The following MMGT1 variants were observed in gnomAD, a reference collection of about 807,000 sequenced individuals.
MMGT1 encodes the protein membrane magnesium transporter 1, also known as ER membrane protein complex subunit 5.
In MMGT1, 2 loss-of-function variants were observed where a neutral mutation model predicts 11.7. The observed-to-expected ratio is 0.17, with a 90% CI of 0.07 to 0.54. The LOEUF (loss-of-function observed/expected upper bound fraction) is 0.54, where lower values mean the gene tolerates loss of function less well. MMGT1 is among the 20% of genes least tolerant of loss of function. The probability of loss-of-function intolerance (pLI) is 0.94; values close to 1 mark genes in which losing one functional copy is unlikely to be tolerated. For missense variants in MMGT1, 74 were observed against 109.0 expected, an observed-to-expected ratio of 0.68 and a Z score of 1.43; for synonymous variants, 49 against 44.4, an observed-to-expected ratio of 1.10 and a Z score of -0.41.
rs782063283 is a variant in MMGT1, at chrX:135,967,381, A to C, written c.236+9T>G. 1 of 1,064,285 alleles carries C rather than the reference A, an allele frequency of 9.4e-7. No homozygotes were observed. Among genetic ancestry groups the C allele is most frequent in the Admixed American group, 2.4e-5 (1 of 41,936 alleles). 87.7% of individuals were successfully genotyped at this position (1,064,285 alleles called of 1,213,427 possible). ...GAAATGCAATGCCTATGAAAAGAGA[A>C]AGACTTACTTATTTTTCAGTTCTGA... is the stretch of plus-strand genomic sequence containing the variant. On this transcript the variant is annotated intron_variant, in intron 3 of 3. Transcript: ENST00000305963.
Position 135,964,937 on chromosome X carries a change from T to C in MMGT1, c.*87A>G. ...AGGTCTGAAAGATCAATATAAATAC[T>C]AATGGGGGCAGGGAGGAGTGTTTTA... On this transcript the variant is annotated 3_prime_UTR_variant, in exon 4 of 4. Coordinates refer to ENST00000305963, the MANE Select transcript of MMGT1 (RefSeq NM_173470.3). 1 of 807,904 alleles carries C rather than the reference T, an allele frequency of 1.2e-6. No individual in the cohort carries two copies. The highest frequency in any genetic ancestry group is 3.2e-5 in the East Asian group (1 of 31,706). 66.6% of individuals were successfully genotyped at this position (807,904 alleles called of 1,213,427 possible).
At chrX:135,967,864 T>G (rs1291786999) in intron 2 of MMGT1, among the ~76,000 whole-genome samples, 1 of 111,288 alleles carries the variant, frequency 9.0e-6, no homozygotes, top group Non-Finnish European at 1.9e-5. Context: ...TGTTGTTTGC[T>G]TTTTGTTTTT....
At chrX:135,970,020 A>G (rs1265787308) in intron 2 of MMGT1, among the ~76,000 whole-genome samples, 1 of 112,148 alleles carries the variant, frequency 8.9e-6, no homozygotes, top group Non-Finnish European at 1.9e-5. Context: ...CAAGTCTAGT[A>G]AAGATAAAAA....
At chrX:135,971,207 G>A in intron 1 of MMGT1, 97 bp from the exon 2 acceptor site, 2 of 563,018 alleles carry the variant, frequency 3.6e-6, no homozygotes, top group Non-Finnish European at 6.1e-6. Context: ...TGACTTATGT[G>A]CAGCACACCA....
Position 135,964,928 on chromosome X carries a change from T to C in MMGT1, c.*96A>G. 2 of 754,460 alleles carry C rather than the reference T, an allele frequency of 2.7e-6. No homozygotes were observed. Among genetic ancestry groups the C allele is most frequent in the African/African-American group, 2.1e-5 (1 of 47,984 alleles). 62.2% of individuals were successfully genotyped at this position (754,460 alleles called of 1,213,427 possible). On this transcript the variant is annotated 3_prime_UTR_variant, in exon 4 of 4. Coordinates refer to ENST00000305963, the MANE Select transcript of MMGT1 (RefSeq NM_173470.3). ...TACTAAAGTAGGTCTGAAAGATCAA[T>C]ATAAATACTAATGGGGGCAGGGAGG... is the stretch of plus-strand genomic sequence containing the variant.
In MMGT1 at chrX:135,962,819, G is replaced by A. The variant is rs1347152328; in HGVS notation, c.*2205C>T. 3 of 111,819 alleles carry A rather than the reference G, an allele frequency of 2.7e-5. No homozygotes were observed. Among genetic ancestry groups the A allele is most frequent in the Admixed American group, 1.9e-4 (2 of 10,461 alleles). The allele number at this position is 111,819 out of a possible 1,213,427, so 9.2% of individuals were successfully genotyped here. A position where few individuals can be genotyped will look rare whatever the true frequency, so the allele number is the denominator to read the frequency against. ...ACATCCATTCTAGAGACTAGCCACA[G>A]TATTATAAGTAGTAATATATCATAA... On this transcript the variant is annotated 3_prime_UTR_variant, in exon 4 of 4. Coordinates refer to ENST00000305963, the MANE Select transcript of MMGT1 (RefSeq NM_173470.3).
At chrX:135,967,620 C>T in intron 2 of MMGT1, 127 bp from the exon 3 acceptor site, 1 of 413,776 alleles carries the variant, frequency 2.4e-6, no homozygotes. Context: ...GGAGACAATG[C>T]TCACTTGAAA....
In MMGT1 at chrX:135,969,891, T is replaced by A. The variant is rs372557938; in HGVS notation, c.132+1167A>T. Among the ~76,000 whole-genome samples the A allele has an allele frequency of 2.7e-5, 3 of 111,716 alleles. No homozygotes were observed. The East Asian group carries it at 8.4e-4, about 31-fold the overall frequency. ...TACTCCAAACTGTTGGGAGTAGAAG[T>A]GGAACTGCCAAGGAACGGGGCCAGT... On this transcript the variant is annotated intron_variant, in intron 2 of 3. Coordinates refer to ENST00000305963, the MANE Select transcript of MMGT1 (RefSeq NM_173470.3).
Position 135,962,146 on chromosome X carries a change from T to C in MMGT1, c.*2878A>G, listed in dbSNP as rs1425679952. ...ATTGGAAACATATCCCAAAAACACG[T>C]GTTTAGTTTGGTGTTACAGGCATTG... On this transcript the variant is annotated 3_prime_UTR_variant, in exon 4 of 4. Coordinates refer to ENST00000305963, the MANE Select transcript of MMGT1 (RefSeq NM_173470.3). 1 of 111,326 alleles carries C rather than the reference T, an allele frequency of 9.0e-6. No individual in the cohort carries two copies. The highest frequency in any genetic ancestry group is 3.3e-5 in the African/African-American group (1 of 30,626). The allele number at this position is 111,326 out of a possible 1,213,427, so 9.2% of individuals were successfully genotyped here. A position where few individuals can be genotyped will look rare whatever the true frequency, so the allele number is the denominator to read the frequency against.
chrX:135,969,350 T>C (rs2089205081), intron 2 of MMGT1, among the ~76,000 whole-genome samples: 1 of 111,802 alleles, frequency 8.9e-6, no homozygotes, highest in Non-Finnish European at 1.9e-5. Context: ...TTTTTGTTTT[T>C]GAGATGGAGT....
chrX:135,972,707 G>A (rs896499927), intron 1 of MMGT1, among the ~76,000 whole-genome samples: 1 of 111,787 alleles, frequency 8.9e-6, no homozygotes, highest in Non-Finnish European at 1.9e-5. Flanking sequence ...AAACTAATGC[G>A]CATACAAATC....
At chrX:135,967,609 G>C in intron 2 of MMGT1, 116 bp from the exon 3 acceptor site, 1 of 417,486 alleles carries the variant, frequency 2.4e-6, no homozygotes, top group South Asian at 4.7e-5. Context: ...GCCACCATCA[G>C]GGAGACAATG....
At chrX:135,965,495 G>GGA (rs1402224748) in intron 3 of MMGT1, among the ~76,000 whole-genome samples, 1 of 111,548 alleles carries the variant, frequency 9.0e-6, no homozygotes, top group Non-Finnish European at 1.9e-5. Context: ...TCAAACTCCT[G>GGA]GACTCAAGCG....
chrX:135,965,036 T>C lies in MMGT1; in HGVS notation c.384A>G (p.Ser128=). 2.5e-6 allele frequency: 3 copies of C among 1,208,409 alleles called. No individual in the cohort carries two copies. The highest frequency in any genetic ancestry group is 3.4e-6 in the Non-Finnish European group (3 of 893,094). ...NTSLKLRKLE[S]LRR ...ATTTGTAAAAATCTTAACGACGCAG[T>C]GATTCGAGTTTTCGTAACTTCAATG... is the stretch of plus-strand genomic sequence containing the variant. The change falls in exon 4 of 4, where the codon TCA becomes TCG. Residue 128 remains serine, a synonymous_variant. Coordinates refer to ENST00000305963, the MANE Select transcript of MMGT1 (RefSeq NM_173470.3).
intron 2 of MMGT1, among the ~76,000 whole-genome samples, chrX:135,969,996 T>A (rs1249997764): frequency 7.1e-5 from 8 of 112,219 alleles, no homozygotes; most frequent in African/African-American, 2.6e-4. Context: ...AAGAACTTAC[T>A]ACTTGTGTAA....
chrX:135,964,889 G>C lies in MMGT1; in HGVS notation c.*135C>G, dbSNP rs2089176644. 1 of 495,256 alleles carries C rather than the reference G, an allele frequency of 2.0e-6. No homozygotes were observed. The highest frequency in any genetic ancestry group is 2.4e-5 in the African/African-American group (1 of 42,448). 40.8% of individuals were successfully genotyped at this position (495,256 alleles called of 1,213,427 possible). A position where few individuals can be genotyped will look rare whatever the true frequency, so the allele number is the denominator to read the frequency against. ...TTGGATTAACAGTATATAAACAAGG[G>C]CCATGGTTTTTTTTACTAAAGTAGG... On this transcript the variant is annotated 3_prime_UTR_variant, in exon 4 of 4. Coordinates refer to ENST00000305963, the MANE Select transcript of MMGT1 (RefSeq NM_173470.3).
At chrX:135,968,695 C>T (rs1257202217) in intron 2 of MMGT1, among the ~76,000 whole-genome samples, 7 of 109,926 alleles carry the variant, frequency 6.4e-5, no homozygotes, top group Non-Finnish European at 1.1e-4. Context: ...TGCACCCAAC[C>T]GATTTTTGTA....
At position 135,969,541 on chromosome X, in the gene MMGT1, T is replaced by C. The variant is rs1035744506; in HGVS notation, c.132+1517A>G. 4.5e-5 allele frequency among the ~76,000 whole-genome samples: 5 copies of C among 111,141 alleles called. No individual in the cohort carries two copies. The East Asian group carries it at 1.1e-3, about 25-fold the overall frequency. ...TTTTAGTAGAGACGGGGTTTCACCG[T>C]GTTAGCCAGGATGGTCTTGATCTCC... is the stretch of plus-strand genomic sequence containing the variant. On this transcript the variant is annotated intron_variant, in intron 2 of 3. Transcript: ENST00000305963.
chrX:135,968,153 G>A (rs1182656137), intron 2 of MMGT1, among the ~76,000 whole-genome samples: 1 of 111,931 alleles, frequency 8.9e-6, no homozygotes, highest in African/African-American at 3.2e-5. Flanking sequence ...CACCCAGCCA[G>A]TATTATTGTT....
Sources: gnomAD v4.1 joint callset for allele counts (sites outside exome capture counted in the v4.1 genomes callset) on GRCh38, gnomAD v4.1.1 for gene constraint, MANE v1.5 for transcripts, NCBI Gene and HGNC (gene_info 2026-07-23, HGNC 2026-07-21) for gene names.